SLC35D4: variants seen among roughly 807,000 people sequenced by gnomAD.
SLC35D4 encodes the protein solute carrier family 35 member D4, also known as UDP-N-acetylglucosamine transporter SLC35D4.
chr18:23,322,356 A>G, the SLC35D4 span, among the ~76,000 whole-genome samples: 1 of 152,194 alleles, frequency 6.6e-6, no homozygotes, highest in Non-Finnish European at 1.5e-5. Context: ...CCTTGTCCAT[A>G]TGTTCTCTTG....
At chr18:23,247,412 A>AGTGTGAGGTTG in the SLC35D4 span, among the ~76,000 whole-genome samples, 1 of 152,236 alleles carries the variant, frequency 6.6e-6, no homozygotes, top group African/African-American at 2.4e-5. Context: ...GGTGCAGAGC[A>AGTGTGAGGTTG]GTGGCCTCAA....
chr18:23,408,067 A>G, the SLC35D4 span, among the ~76,000 whole-genome samples: 7 of 152,098 alleles, frequency 4.6e-5, no homozygotes, highest in African/African-American at 1.7e-4. Context: ...CCACAGAATC[A>G]GATCTCTGCC....
At chr18:23,420,047 T>C in the SLC35D4 span, among the ~76,000 whole-genome samples, 1 of 152,190 alleles carries the variant, frequency 6.6e-6, no homozygotes, top group Admixed American at 6.5e-5. Context: ...TTCATGCCTG[T>C]AATCCCAGCA....
At chr18:23,344,836 A>G in the SLC35D4 span, among the ~76,000 whole-genome samples, 1 of 151,968 alleles carries the variant, frequency 6.6e-6, no homozygotes, top group Non-Finnish European at 1.5e-5. Context: ...TCCTCACCTC[A>G]TGATCCGCCC....
At chr18:23,425,896 C>A in the SLC35D4 span, among the ~76,000 whole-genome samples, 1 of 152,126 alleles carries the variant, frequency 6.6e-6, no homozygotes, top group East Asian at 1.9e-4. Context: ...CCTTACATTG[C>A]ACCATACACT....
chr18:23,266,233 C>T, the SLC35D4 span, among the ~76,000 whole-genome samples: 9 of 152,254 alleles, frequency 5.9e-5, no homozygotes, highest in East Asian at 5.8e-4. Context: ...GCAGACCGTG[C>T]GGCCTTATGC....
the SLC35D4 span, among the ~76,000 whole-genome samples, chr18:23,348,735 A>G: frequency 3.6e-4 from 55 of 152,308 alleles, no homozygotes; most frequent in African/African-American, 1.2e-3. Flanking sequence ...ACTTTAAGGT[A>G]TAACTGTTAT....
the SLC35D4 span, among the ~76,000 whole-genome samples, chr18:23,412,260 A>G: frequency 6.6e-6 from 1 of 152,188 alleles, no homozygotes; most frequent in Non-Finnish European, 1.5e-5. Flanking sequence ...TGGAGGTTGC[A>G]GAGCCAAGAT....
chr18:23,413,373 A>G, the SLC35D4 span, among the ~76,000 whole-genome samples: 1 of 152,220 alleles, frequency 6.6e-6, no homozygotes, highest in Non-Finnish European at 1.5e-5. Context: ...AGCTTCAAAG[A>G]AACCAGTCTA....
the SLC35D4 span, among the ~76,000 whole-genome samples, chr18:23,380,602 G>T: frequency 6.6e-6 from 1 of 152,134 alleles, no homozygotes; most frequent in South Asian, 2.1e-4. Context: ...TAAGAAATGC[G>T]TCTCCTACGT....
chr18:23,398,493 A>G, the SLC35D4 span, among the ~76,000 whole-genome samples: 132 of 152,314 alleles, frequency 8.7e-4, 3 homozygotes, highest in Admixed American at 8.4e-3. Flanking sequence ...GGCACAGCAG[A>G]CAGCCAGGGC....
chr18:23,267,609 T>C, the SLC35D4 span, among the ~76,000 whole-genome samples: 3 of 152,300 alleles, frequency 2.0e-5, no homozygotes, highest in Admixed American at 1.3e-4. Context: ...CCCTGCACTG[T>C]CGGCCCTCAG....
At chr18:23,341,262 CAAT>C in the SLC35D4 span, among the ~76,000 whole-genome samples, 1 of 152,124 alleles carries the variant, frequency 6.6e-6, no homozygotes, top group Non-Finnish European at 1.5e-5. Context: ...AGAAAAACAA[CAAT>C]AATAGTGATA....
At chr18:23,330,622 C>T in the SLC35D4 span, among the ~76,000 whole-genome samples, 5 of 152,150 alleles carry the variant, frequency 3.3e-5, no homozygotes, top group Non-Finnish European at 5.9e-5. Flanking sequence ...TTCAGCTCTC[C>T]GGATGGTTGG....
chr18:23,283,588 T>C, the SLC35D4 span, among the ~76,000 whole-genome samples: 1 of 151,414 alleles, frequency 6.6e-6, no homozygotes. Context: ...GGTGGGCGGA[T>C]CACCTGAGGT....
chr18:23,409,560 G>A, the SLC35D4 span, among the ~76,000 whole-genome samples: 962 of 152,310 alleles, frequency 6.3e-3, 12 homozygotes, highest in Middle Eastern at 0.034. Context: ...TAGGAAAAAG[G>A]CTGGGCAAGG....
the SLC35D4 span, among the ~76,000 whole-genome samples, chr18:23,280,036 GTTCT>G: frequency 1.4e-4 from 21 of 152,340 alleles, no homozygotes; most frequent in East Asian, 4.0e-3. Flanking sequence ...CAAGTTTATA[GTTCT>G]TTGTTACGGC....
At chr18:23,414,565 C>T in the SLC35D4 span, among the ~76,000 whole-genome samples, 10 of 151,352 alleles carry the variant, frequency 6.6e-5, no homozygotes, top group South Asian at 4.2e-4. Flanking sequence ...CCCAGCTTCC[C>T]GGGGGGCTGA....
chr18:23,393,018 C>T, the SLC35D4 span, among the ~76,000 whole-genome samples: 1 of 152,030 alleles, frequency 6.6e-6, no homozygotes, highest in Admixed American at 6.6e-5. Context: ...CGGGTTCAAG[C>T]GATTCTTCTG....
Sources: gnomAD v4.1 joint callset for allele counts (sites outside exome capture counted in the v4.1 genomes callset) on GRCh38, gnomAD v4.1.1 for gene constraint, MANE v1.5 for transcripts, NCBI Gene and HGNC (gene_info 2026-07-23, HGNC 2026-07-21) for gene names.